DBX1: variants seen among roughly 807,000 people sequenced by gnomAD.
DBX1 encodes the protein developing brain homeobox 1.
DBX1 carries 10 observed loss-of-function variants against 20.8 expected under a neutral mutation model. The observed-to-expected ratio is 0.48, with a 90% CI of 0.30 to 0.82. The LOEUF is 0.82. Among genes scored for constraint, DBX1 ranks in the 40% least tolerant of loss-of-function variants. The pLI is 0.07. For synonymous variants in DBX1, 241 were observed against 213.9 expected (o/e 1.13, Z -1.11); for missense variants, 505 against 468.8 (o/e 1.08, Z -0.71).
Position 20,159,965 on chromosome 11 carries a change from G to A in DBX1, c.360C>T (p.Pro120=). 1.2e-6 allele frequency: 2 copies of A among 1,614,024 alleles called. No individual in the cohort carries two copies. The highest frequency in any genetic ancestry group is 1.7e-6 in the Non-Finnish European group (2 of 1,180,008). ...FGVNAILSSG[P]RTETSPALLQ... ...GGTTCTGACCTCGCTTACCTGTTCT[G>A]GGCCCCGAGGAGAGGATGGCGTTCA... Residue 120 remains proline, a synonymous_variant, in exon 1 of 4, where the codon CCC becomes CCT. Transcript: ENST00000524983.
In DBX1 at chr11:20,156,974, G is replaced by C. The variant is rs1023459136; in HGVS notation, c.672+63C>G. ...CCGTTTCCGAACCCTTGCAATTGAC[G>C]GGTGCGCCGGGGAGGGGTGAAGGGC... is the stretch of plus-strand genomic sequence containing the variant. On this transcript the variant is annotated intron_variant, in intron 3 of 3. Transcript: ENST00000524983. The surrounding 1 kb of genome is among the most constrained non-coding windows in gnomAD (Gnocchi z 4.8). The C allele has an allele frequency of 2.8e-5, 43 of 1,542,048 alleles. No individual in the cohort carries two copies. The highest frequency in any genetic ancestry group is 4.2e-5 in the African/African-American group (3 of 70,674).
chr11:20,159,524 C>T (rs546826747), intron 1 of DBX1, among the ~76,000 whole-genome samples: 5 of 152,190 alleles, frequency 3.3e-5, no homozygotes, highest in African/African-American at 7.2e-5. Flanking sequence ...CCCACTCTAC[C>T]CCAATCTCCA....
Position 20,156,593 on chromosome 11 carries a change from G to A in DBX1, c.673-20C>T, listed in dbSNP as rs2063658669. The stretch of plus-strand genomic sequence containing the variant: ...TTTCACCTGGAATGTCCCGGCCGGC[G>A]AGAAGAAGGGAGAAGCAGAGGTCAG... On this transcript the variant is annotated intron_variant, in intron 3 of 3. Transcript: ENST00000524983. This position sits in a 1 kb window ranked among gnomAD's most constrained non-coding sequence, Gnocchi z 4.8. The A allele has an allele frequency of 4.3e-6, 7 of 1,613,764 alleles. No homozygotes were observed. Among genetic ancestry groups the A allele is most frequent in the African/African-American group, 2.7e-5 (2 of 74,946 alleles).
In DBX1 at chr11:20,160,146, G is replaced by A; in HGVS notation, c.179C>T (p.Thr60Ile). Residue 60 changes from threonine (T) to isoleucine (I), a missense_variant, in exon 1 of 4, where the codon ACC (threonine) becomes ATC (isoleucine). By Grantham distance (89) the Thr-to-Ile change is moderately conservative. Transcript: ENST00000524983. Reference sequence around the variant, plus strand: ...CTGCCTGGGCGGCGACATGCTGGCGGTGGGCACGCTGCGGGGCAGGTAGGC... The same window carrying A: ...CTGCCTGGGCGGCGACATGCTGGCGATGGGCACGCTGCGGGGCAGGTAGGC... ...PPAYLPRSVP[T>I]ASMSPPRQGA... 1 of 1,548,324 alleles carries A rather than the reference G, an allele frequency of 6.5e-7. No individual in the cohort carries two copies. The highest frequency in any genetic ancestry group is 8.7e-7 in the Non-Finnish European group (1 of 1,145,600).
rs770437698 is a variant in DBX1 at position 20,160,020 on chromosome 11, G to T, written c.305C>A (p.Ala102Asp). The change falls in exon 1 of 4, where the codon GCC becomes GAC. Residue 102 changes from alanine (A) to aspartate (D), a missense_variant. Physicochemically the swap from Ala to Asp is moderately radical, Grantham distance 126 (BLOSUM62 -2). Coordinates refer to ENST00000524983, the MANE Select transcript of DBX1 (RefSeq NM_001029865.4). ...AAACTTCAGAAACGTCGTCTCGCTG[G>T]CAGGGGAGAAGGCAGTCGGCGGAGA... ...GGSPPTAFSP[A>D]SETTFLKFGV... is the part of the protein sequence containing the mutation. The T allele has an allele frequency of 4.3e-6, 7 of 1,610,792 alleles. No homozygotes were observed. Among genetic ancestry groups the T allele is most frequent in the African/African-American group, 2.7e-5 (2 of 74,860 alleles).
intron 1 of DBX1, 90 bp downstream of exon 1, chr11:20,159,868 G>A: frequency 6.4e-7 from 1 of 1,573,878 alleles, no homozygotes; most frequent in Non-Finnish European, 8.7e-7. Flanking sequence ...TGTGTGTGTG[G>A]GGGCCCGCTC....
At chr11:20,159,523 C>T (rs1441960320) in intron 1 of DBX1, among the ~76,000 whole-genome samples, 1 of 152,156 alleles carries the variant, frequency 6.6e-6, no homozygotes, top group African/African-American at 2.4e-5. Flanking sequence ...TCCCACTCTA[C>T]CCCAATCTCC....
chr11:20,157,143 G>A lies in DBX1; in HGVS notation c.566C>T (p.Ser189Phe). The change falls in exon 3 of 4, where the codon TCC becomes TTC. Residue 189 changes from serine to phenylalanine, a missense_variant. Ser to Phe is a radical substitution (Grantham distance 155). Transcript: ENST00000524983. ...CTCCAGCGCCTTCCGCTGCACGTCGGAGAAGACTGCTCGACGCAGCATGCC... is the reference window on the plus strand; with the variant it reads ...CTCCAGCGCCTTCCGCTGCACGTCGAAGAAGACTGCTCGACGCAGCATGCC... ...RRGMLRRAVF[S>F]DVQRKALEKM... 1 of 1,613,052 alleles carries A rather than the reference G, an allele frequency of 6.2e-7. No individual in the cohort carries two copies. Among genetic ancestry groups the A allele is most frequent in the Non-Finnish European group, 8.5e-7 (1 of 1,179,850 alleles).
intron 1 of DBX1, 53 bp downstream of exon 1, chr11:20,159,905 C>G: frequency 6.2e-7 from 1 of 1,612,744 alleles, no homozygotes; most frequent in African/African-American, 1.3e-5. Flanking sequence ...GCCAGGATGA[C>G]TCCGCGCATG....
rs373580487 is a variant in DBX1, at chr11:20,157,053, C to G, written c.656G>C (p.Gly219Ala). ...PDRKKLAAKLGLKDSQVKIWF... is the reference protein window; with the variant it reads ...PDRKKLAAKLALKDSQVKIWF... Reference sequence around the variant, plus strand: ...TGCGCTCACCTGCGAGTCTTTCAGGCCCAGCTTGGCCGCCAGCTTCTTGCG... The same window carrying G: ...TGCGCTCACCTGCGAGTCTTTCAGGGCCAGCTTGGCCGCCAGCTTCTTGCG... Residue 219 changes from glycine (G) to alanine (A), a missense_variant, in exon 3 of 4, where the codon GGC becomes GCC. Transcript: ENST00000524983. 1 of 1,613,840 alleles carries G rather than the reference C, an allele frequency of 6.2e-7. No individual in the cohort carries two copies. Among genetic ancestry groups the G allele is most frequent in the Non-Finnish European group, 8.5e-7 (1 of 1,180,002 alleles).
At chr11:20,158,004 C>T (rs553757951) in intron 2 of DBX1, among the ~76,000 whole-genome samples, 2 of 152,098 alleles carry the variant, frequency 1.3e-5, no homozygotes, top group Non-Finnish European at 2.9e-5. Flanking sequence ...ATTACTGGGA[C>T]AAAAGAGATT....
In DBX1 at chr11:20,156,618, G is replaced by C. The variant is rs777784574; in HGVS notation, c.673-45C>G. On this transcript the variant is annotated intron_variant, in intron 3 of 3. Transcript: ENST00000524983. The surrounding 1 kb of genome is among the most constrained non-coding windows in gnomAD (Gnocchi z 4.8). ...GAGAAGAAGGGAGAAGCAGAGGTCA[G>C]ATCAGGGGCTCCGGGGGACGCACGG... 3.1e-6 allele frequency: 5 copies of C among 1,613,448 alleles called. No homozygotes were observed. The highest frequency in any genetic ancestry group is 4.2e-6 in the Non-Finnish European group (5 of 1,179,988).
At position 20,156,324 on chromosome 11, in the gene DBX1, G is replaced by A. The variant is rs755549094; in HGVS notation, c.922C>T (p.Pro308Ser). 2 of 1,577,244 alleles carry A rather than the reference G, an allele frequency of 1.3e-6. No homozygotes were observed. The highest frequency in any genetic ancestry group is 2.4e-5 in the South Asian group (2 of 84,360). ...GAGTGCGCGGGCGAGGGGGGCAGCG[G>A]CCCTGGCAGCCGCGGGTCCCGCAGG... Reference protein sequence around the residue: ...QHLRDPRLPGPLPPSPAHSSS... With the variant: ...QHLRDPRLPGSLPPSPAHSSS... Residue 308 changes from proline to serine, a missense_variant, in exon 4 of 4, where the codon CCG (proline) becomes TCG (serine). Physicochemically the swap from Pro to Ser is moderately conservative, Grantham distance 74 (BLOSUM62 -1). Coordinates refer to ENST00000524983, the MANE Select transcript of DBX1 (RefSeq NM_001029865.4). This position sits in a 1 kb window ranked among gnomAD's most constrained non-coding sequence, Gnocchi z 4.8.
chr11:20,158,568 T>C (rs2204001), intron 2 of DBX1, among the ~76,000 whole-genome samples: 1 of 152,066 alleles, frequency 6.6e-6, no homozygotes, highest in East Asian at 1.9e-4. Context: ...TATTTTATAA[T>C]ACAGGGTGGG....
rs1449256616 is a variant in DBX1 at position 20,156,865 on chromosome 11, TC to T, written c.672+171del. On this transcript the variant is annotated intron_variant, in intron 3 of 3. Transcript: ENST00000524983. The surrounding 1 kb of genome is among the most constrained non-coding windows in gnomAD (Gnocchi z 4.8). ...TCGGGGTGGGGAGAGAAGAGGGCTA[TC>T]CTGCGGAGCTTCGAGGGTAGTGGCC... Among the ~76,000 whole-genome samples, 3 of 152,050 alleles carry T rather than the reference TC, an allele frequency of 2.0e-5. No individual in the cohort carries two copies.
In DBX1 at chr11:20,160,238, C is replaced by A. The variant is rs759671328; in HGVS notation, c.87G>T (p.Leu29Phe). 3 of 1,545,754 alleles carry A rather than the reference C, an allele frequency of 1.9e-6. No individual in the cohort carries two copies. Among genetic ancestry groups the A allele is most frequent in the Non-Finnish European group, 2.6e-6 (3 of 1,146,526 alleles). ...PTPTLTLPQS[L>F]QSAFSGHSSF... is the part of the protein sequence containing the mutation. ...TGGAGTGGCCGGAAAATGCCGACTG[C>A]AAGGACTGGGGCAGCGTCAAGGTGG... Residue 29 changes from leucine (L) to phenylalanine (F), a missense_variant, in exon 1 of 4, where the codon TTG becomes TTT. Transcript: ENST00000524983.
chr11:20,157,594 A>C (rs1048580573), intron 2 of DBX1, among the ~76,000 whole-genome samples: 2 of 152,218 alleles, frequency 1.3e-5, no homozygotes, highest in Non-Finnish European at 2.9e-5. Context: ...TAAAATATCC[A>C]GCCGAGGCCA....
Position 20,156,169 on chromosome 11 carries a change from G to T in DBX1, c.*45C>A, listed in dbSNP as rs752393134. On this transcript the variant is annotated 3_prime_UTR_variant, in exon 4 of 4. Coordinates refer to ENST00000524983, the MANE Select transcript of DBX1 (RefSeq NM_001029865.4). This position sits in a 1 kb window ranked among gnomAD's most constrained non-coding sequence, Gnocchi z 4.8. ...TGCGCAGACTGGACCCCACCTCTTC[G>T]ATTTCAAAGCACTTAAAAATAGTAC... The T allele has an allele frequency of 1.9e-5, 28 of 1,509,034 alleles. No individual in the cohort carries two copies. Among genetic ancestry groups the T allele is most frequent in the Non-Finnish European group, 2.3e-5 (26 of 1,129,094 alleles). 93.5% of individuals were successfully genotyped at this position (1,509,034 alleles called of 1,614,324 possible). A position where few individuals can be genotyped will look rare whatever the true frequency, so the allele number is the denominator to read the frequency against.
chr11:20,159,076 G>A (rs1304925229), intron 2 of DBX1, 115 bp downstream of exon 2: 1 of 745,788 alleles, frequency 1.3e-6, no homozygotes, highest in African/African-American at 1.7e-5. Flanking sequence ...CGCAACCTCT[G>A]AACCAGAGCA....
Sources: allele counts gnomAD v4.1 joint callset (sites outside exome capture counted in the v4.1 genomes callset), GRCh38; gene constraint gnomAD v4.1.1; non-coding constraint Gnocchi (gnomAD v3.1); transcripts MANE v1.5; gene names NCBI Gene and HGNC (gene_info 2026-07-23, HGNC 2026-07-21).